The following BRINP3 variants were observed in gnomAD, a reference collection of about 807,000 sequenced individuals.
BRINP3 encodes the protein BMP/retinoic acid inducible neural specific 3, also known as BMP/retinoic acid-inducible neural-specific protein 3.
BRINP3 carries 19 observed loss-of-function variants against 71.0 expected under a neutral mutation model. That is an observed-to-expected ratio of 0.27 (90% CI 0.19 to 0.39). The LOEUF (loss-of-function observed/expected upper bound fraction) is 0.39, where lower values mean the gene tolerates loss of function less well. Ranked by LOEUF, BRINP3 falls within the 10% of genes least tolerant of loss-of-function variation. BRINP3 has a pLI of 1.00. For missense variants in BRINP3, 959 were observed against 940.8 expected, an observed-to-expected ratio of 1.02 and a Z score of -0.25; for synonymous variants, 380 against 337.7, an observed-to-expected ratio of 1.13 and a Z score of -1.37.
At chr1:190,113,011 A>T (rs1465248449) in intron 7 of BRINP3, among the ~76,000 whole-genome samples, 3 of 152,194 alleles carry the variant, frequency 2.0e-5, no homozygotes, top group African/African-American at 7.2e-5. Context: ...GTGAATGTAT[A>T]GTATGGATGG....
intron 2 of BRINP3, among the ~76,000 whole-genome samples, chr1:190,302,136 A>G (rs1263126960): frequency 6.6e-6 from 1 of 151,152 alleles, no homozygotes; most frequent in Non-Finnish European, 1.5e-5. Context: ...TGTTACAATT[A>G]TTGAAAGCAA....
At chr1:190,423,297 T>A in intron 2 of BRINP3, among the ~76,000 whole-genome samples, 1 of 151,688 alleles carries the variant, frequency 6.6e-6, no homozygotes, top group African/African-American at 2.4e-5. Context: ...TTTTCACTGT[T>A]ATAGAGTTCA....
intron 7 of BRINP3, among the ~76,000 whole-genome samples, chr1:190,099,609 G>A (rs1216232941): frequency 1.3e-5 from 2 of 152,162 alleles, no homozygotes; most frequent in African/African-American, 4.8e-5. Flanking sequence ...TAAACCACTA[G>A]TGTTGCAGGA....
intron 6 of BRINP3, among the ~76,000 whole-genome samples, chr1:190,185,822 A>G (rs1416601778): frequency 6.6e-6 from 1 of 152,180 alleles, no homozygotes; most frequent in Admixed American, 6.5e-5. Flanking sequence ...TACAAGCAAA[A>G]GGAATAGACT....
At chr1:190,202,834 T>C (rs1655126258) in intron 6 of BRINP3, among the ~76,000 whole-genome samples, 1 of 152,108 alleles carries the variant, frequency 6.6e-6, no homozygotes, top group Non-Finnish European at 1.5e-5. Context: ...TAAGTCCAAT[T>C]AAACCTCTCT....
intron 7 of BRINP3, among the ~76,000 whole-genome samples, chr1:190,139,546 T>G (rs1342316256): frequency 6.6e-6 from 1 of 151,892 alleles, no homozygotes; most frequent in Non-Finnish European, 1.5e-5. Context: ...ATATTGAATA[T>G]GAATTATTTT....
chr1:190,280,759 C>T (rs1662972615), intron 3 of BRINP3, among the ~76,000 whole-genome samples: 1 of 151,794 alleles, frequency 6.6e-6, no homozygotes, highest in Admixed American at 6.6e-5. Flanking sequence ...ATACAGTGTT[C>T]TTCATTATAA....
At chr1:190,133,753 A>G (rs16832075) in intron 7 of BRINP3, among the ~76,000 whole-genome samples, 5,448 of 152,204 alleles carry the variant, frequency 0.036, 321 homozygotes, top group African/African-American at 0.12. Context: ...AAGGACATAT[A>G]TCAAGCCCAA....
chr1:190,174,307 A>T (rs1652293075), intron 6 of BRINP3, among the ~76,000 whole-genome samples: 1 of 152,188 alleles, frequency 6.6e-6, no homozygotes, highest in African/African-American at 2.4e-5. Flanking sequence ...AATGTGTCTT[A>T]TTTTCCACTA....
intron 2 of BRINP3, among the ~76,000 whole-genome samples, chr1:190,375,215 T>G (rs1358946134): frequency 6.6e-6 from 1 of 151,894 alleles, no homozygotes; most frequent in Admixed American, 6.6e-5. Flanking sequence ...CGCAAATGGT[T>G]TAACATATAT....
At chr1:190,178,597 A>G (rs951843943) in intron 6 of BRINP3, among the ~76,000 whole-genome samples, 1 of 152,146 alleles carries the variant, frequency 6.6e-6, no homozygotes, top group African/African-American at 2.4e-5. Context: ...CTATGTATTT[A>G]TTGTTTGCTG....
chr1:190,115,717 A>G (rs1261516323), intron 7 of BRINP3, among the ~76,000 whole-genome samples: 2 of 152,176 alleles, frequency 1.3e-5, no homozygotes, highest in South Asian at 4.1e-4. Flanking sequence ...GTATTTGCTT[A>G]GGACAGATAA....
chr1:190,252,777 A>T (rs895562632), intron 4 of BRINP3, among the ~76,000 whole-genome samples: 2 of 150,504 alleles, frequency 1.3e-5, no homozygotes, highest in East Asian at 3.9e-4. Flanking sequence ...ATGCTAGTTT[A>T]TTATTATTAT....
Position 190,391,488 on chromosome 1 carries a change from C to G in BRINP3, c.236+63167G>C, listed in dbSNP as rs540123989. The stretch of plus-strand genomic sequence containing the variant: ...AGTACTATCAATAGCAACTTGTCAT[C>G]ATGATAGATGTCCAGTCTTAAATTA... On this transcript the variant is annotated intron_variant, in intron 2 of 7. Transcript: ENST00000367462. Among the ~76,000 whole-genome samples the G allele has an allele frequency of 5.3e-5, 8 of 151,820 alleles. No individual in the cohort carries two copies. In the South Asian group the frequency reaches 1.7e-3, roughly 32 times the overall value.
At chr1:190,213,769 AGGAG>A (rs1656182779) in intron 6 of BRINP3, among the ~76,000 whole-genome samples, 1 of 152,064 alleles carries the variant, frequency 6.6e-6, no homozygotes, top group African/African-American at 2.4e-5. Flanking sequence ...TGAGAGAGAA[AGGAG>A]GGAGGAATAG....
At chr1:190,290,045 T>C (rs576945203) in intron 2 of BRINP3, among the ~76,000 whole-genome samples, 8 of 152,164 alleles carry the variant, frequency 5.3e-5, no homozygotes, top group African/African-American at 1.9e-4. Context: ...ATGAAATAGC[T>C]ACCTAAGTAT....
chr1:190,167,788 A>G (rs1179047718), intron 6 of BRINP3, among the ~76,000 whole-genome samples: 1 of 152,204 alleles, frequency 6.6e-6, no homozygotes, highest in African/African-American at 2.4e-5. Context: ...GCCAATTCTT[A>G]TGCCCATTAT....
intron 6 of BRINP3, among the ~76,000 whole-genome samples, chr1:190,202,173 G>C (rs1232373028): frequency 2.0e-5 from 3 of 152,150 alleles, no homozygotes; most frequent in African/African-American, 7.2e-5. Context: ...CCTTCCTCTT[G>C]TATCAGCATG....
At chr1:190,212,215 G>A (rs1656049657) in intron 6 of BRINP3, among the ~76,000 whole-genome samples, 1 of 152,048 alleles carries the variant, frequency 6.6e-6, no homozygotes, top group South Asian at 2.1e-4. Flanking sequence ...TTATATGACT[G>A]TTAATTTAGA....
Sources: gnomAD v4.1 joint callset for allele counts (sites outside exome capture counted in the v4.1 genomes callset) on GRCh38, gnomAD v4.1.1 for gene constraint, MANE v1.5 for transcripts, NCBI Gene and HGNC (gene_info 2026-07-23, HGNC 2026-07-21) for gene names.